QPCTL: variants seen among roughly 807,000 people sequenced by gnomAD.
The protein encoded by QPCTL is glutaminyl-peptide cyclotransferase-like protein.
Under a neutral mutation model 34.6 loss-of-function variants are expected in QPCTL, and 31 were observed. The ratio of observed to expected loss-of-function variants is 0.90; its 90% CI spans 0.67 to 1.21. QPCTL has a LOEUF of 1.21. Among genes scored for constraint, QPCTL ranks in the 50% most tolerant of loss-of-function variants. The pLI is 0.00. For synonymous variants in QPCTL, 223 were observed against 226.9 expected, an observed-to-expected ratio of 0.98 and a Z score of 0.15; for missense variants, 474 against 507.8, an observed-to-expected ratio of 0.93 and a Z score of 0.64.
Position 45,692,726 on chromosome 19 carries a change from G to C in QPCTL, c.23G>C (p.Arg8Pro). The part of the protein sequence containing the change: MRSGGRG[R>P]PRLRLGERGL... ...GCCATGCGTTCCGGGGGCCGCGGGCGACCCCGCCTGCGGCTGGGGGAACGT... is the reference window on the plus strand; with the variant it reads ...GCCATGCGTTCCGGGGGCCGCGGGCCACCCCGCCTGCGGCTGGGGGAACGT... The change falls in exon 1 of 7, where the codon CGA becomes CCA. Residue 8 changes from arginine (R) to proline (P), a missense_variant. Physicochemically the swap from Arg to Pro is moderately radical, Grantham distance 103. Coordinates refer to ENST00000012049, the MANE Select transcript of QPCTL (RefSeq NM_017659.4). 3 of 1,552,812 alleles carry C rather than the reference G, an allele frequency of 1.9e-6. No homozygotes were observed. The highest frequency in any genetic ancestry group is 2.6e-6 in the Non-Finnish European group (3 of 1,148,692).
intron 4 of QPCTL, 25 bp downstream of exon 4, chr19:45,698,724 T>C: frequency 6.2e-7 from 1 of 1,613,828 alleles, no homozygotes; most frequent in Non-Finnish European, 8.5e-7. Context: ...CCCTGGCTTC[T>C]GGCGAGGGAG....
At chr19:45,702,518 C>T (rs1967830309) in intron 6 of QPCTL, among the ~76,000 whole-genome samples, 1 of 151,492 alleles carries the variant, frequency 6.6e-6, no homozygotes, top group Non-Finnish European at 1.5e-5. Context: ...AATCCTAGCA[C>T]GTTGGGAGCC....
At position 45,695,809 on chromosome 19, in the gene QPCTL, C is replaced by T. The variant is rs539119127; in HGVS notation, c.633+91C>T. The T allele has an allele frequency of 1.7e-5, 23 of 1,389,844 alleles. 1 individual carries two copies. The Admixed American group carries it at 3.3e-4, about 20-fold the overall frequency. The allele number at this position is 1,389,844 out of a possible 1,614,324, so 86.1% of individuals were successfully genotyped here. On this transcript the variant is annotated intron_variant, in intron 3 of 6. Transcript: ENST00000012049. Reference sequence around the variant, plus strand: ...TTGCCTGGACATTTGTCATCCCTCTCGTCTTCCCACTCTACTCCACGCACA... The same window carrying T: ...TTGCCTGGACATTTGTCATCCCTCTTGTCTTCCCACTCTACTCCACGCACA...
At position 45,698,707 on chromosome 19, in the gene QPCTL, C is replaced by T. The variant is rs369699228; in HGVS notation, c.786+8C>T. The T allele has an allele frequency of 5.0e-6, 8 of 1,613,994 alleles. No homozygotes were observed. The highest frequency in any genetic ancestry group is 1.7e-5 in the Admixed American group (1 of 60,006). ...ACCAGGATCCAGGCTATTGTAAGAC[C>T]AGGGTCCCCTGGCTTCTGGCGAGGG... On this transcript the variant is annotated splice_region_variant and intron_variant, in intron 4 of 6. Transcript: ENST00000012049.
rs1416421387 is a variant in QPCTL at position 45,695,677 on chromosome 19, G to A, written c.592G>A (p.Ala198Thr). ...GCCCTGTGCCCTGCTGCTGGAGCTG[G>A]CCCAAGCACTTGACCTGGAGCTGAG... is the stretch of plus-strand genomic sequence containing the variant. ...AVPCALLLEL[A>T]QALDLELSRA... The change falls in exon 3 of 7, where the codon GCC becomes ACC. Residue 198 changes from alanine to threonine, a missense_variant. Transcript: ENST00000012049. 6.2e-7 allele frequency: 1 copy of A among 1,613,264 alleles called. No individual in the cohort carries two copies.
At chr19:45,699,938 A>AG (rs1162843482) in intron 5 of QPCTL, among the ~76,000 whole-genome samples, 2 of 148,698 alleles carry the variant, frequency 1.3e-5, no homozygotes, top group African/African-American at 5.0e-5. Context: ...TCTCAAAAAA[A>AG]AAAAAAAAAA....
In QPCTL at chr19:45,698,689, T is replaced by C; in HGVS notation, c.776T>C (p.Ile259Thr). 1 of 1,614,044 alleles carries C rather than the reference T, an allele frequency of 6.2e-7. No homozygotes were observed. The highest frequency in any genetic ancestry group is 8.5e-7 in the Non-Finnish European group (1 of 1,179,974). Residue 259 changes from isoleucine to threonine, a missense_variant, in exon 4 of 7, where the codon ATC becomes ACC. Transcript: ENST00000012049. Reference protein sequence around the residue: ...SIPHSPGPTRIQAIELFMLLD... With the variant: ...SIPHSPGPTRTQAIELFMLLD... ...CCTCACAGCCCCGGCCCCACCAGGA[T>C]CCAGGCTATTGTAAGACCAGGGTCC...
rs1967849902 is a variant in QPCTL at position 45,703,663 on chromosome 19, TAAAAGA to T, written c.*615_*620del. The T allele has an allele frequency of 6.7e-6, 1 of 150,340 alleles. No homozygotes were observed. The highest frequency in any genetic ancestry group is 1.5e-5 in the Non-Finnish European group (1 of 67,706). The allele number at this position is 150,340 out of a possible 1,614,324, so 9.3% of individuals were successfully genotyped here. A position where few individuals can be genotyped will look rare whatever the true frequency, so the allele number is the denominator to read the frequency against. ...TCTTTAAGTCAGCGAACTGAAAAAGTAAAAGACTGCTGGGTGTGGTGGCTCACACCT... is the reference window on the plus strand; with the variant it reads ...TCTTTAAGTCAGCGAACTGAAAAAGTCTGCTGGGTGTGGTGGCTCACACCT... On this transcript the variant is annotated 3_prime_UTR_variant, in exon 7 of 7. Transcript: ENST00000012049.
intron 3 of QPCTL, among the ~76,000 whole-genome samples, chr19:45,695,932 T>G (rs1967685524): frequency 6.6e-6 from 1 of 151,836 alleles, no homozygotes; most frequent in Non-Finnish European, 1.5e-5. Flanking sequence ...CCGCAACCTC[T>G]GCCTACTGGG....
At chr19:45,701,768 C>T (rs1386457936) in intron 5 of QPCTL, 30 bp from the exon 6 acceptor site, 1 of 1,553,496 alleles carries the variant, frequency 6.4e-7, no homozygotes, top group Admixed American at 1.7e-5. Flanking sequence ...TAAGGACTAA[C>T]CCTTCCTCTC....
chr19:45,703,316 T>C lies in QPCTL; in HGVS notation c.*267T>C, dbSNP rs1330791019. The C allele has an allele frequency of 2.2e-6, 1 of 457,718 alleles. No homozygotes were observed. The highest frequency in any genetic ancestry group is 2.0e-5 in the African/African-American group (1 of 50,208). 28.4% of individuals were successfully genotyped at this position (457,718 alleles called of 1,614,324 possible). A position where few individuals can be genotyped will look rare whatever the true frequency, so the allele number is the denominator to read the frequency against. The stretch of plus-strand genomic sequence containing the variant: ...AGAGGTAAACACTTGGTCCAAAGGT[T>C]TGCAGGGACCAAATACTGTTCTTTT... On this transcript the variant is annotated 3_prime_UTR_variant, in exon 7 of 7. Transcript: ENST00000012049.
intron 1 of QPCTL, 84 bp downstream of exon 1, chr19:45,692,994 C>T (rs1389150140): frequency 7.4e-7 from 1 of 1,348,764 alleles, no homozygotes; most frequent in African/African-American, 1.5e-5. Context: ...CTTTAGCGTA[C>T]GGCCCTAACC....
At position 45,695,576 on chromosome 19, in the gene QPCTL, C is replaced by A. The variant is rs746414252; in HGVS notation, c.491C>A (p.Thr164Asn). The change falls in exon 3 of 7, where the codon ACC (threonine) becomes AAC (asparagine). Residue 164 changes from threonine to asparagine, a missense_variant. Thr to Asn is a moderately conservative substitution (Grantham distance 65). Transcript: ENST00000012049. ...TLDPRAARHL[T>N]LACHYDSKLF... ...GACCCAAGGGCTGCCCGTCACCTCA[C>A]CCTTGCCTGCCATTATGACTCGAAG... The A allele has an allele frequency of 6.2e-7, 1 of 1,614,108 alleles. No homozygotes were observed. The highest frequency in any genetic ancestry group is 8.5e-7 in the Non-Finnish European group (1 of 1,180,008).
chr19:45,702,690 G>A (rs572953644), intron 6 of QPCTL, among the ~76,000 whole-genome samples: 8 of 151,886 alleles, frequency 5.3e-5, no homozygotes, highest in Admixed American at 2.0e-4. Context: ...CTGGAACCTG[G>A]GAGGCAGAGG....
chr19:45,698,257 C>CA (rs1368692889), intron 3 of QPCTL, among the ~76,000 whole-genome samples: 2 of 149,048 alleles, frequency 1.3e-5, no homozygotes, highest in Admixed American at 6.7e-5. Flanking sequence ...CTAAAAAAAA[C>CA]AAAAAACAAA....
chr19:45,699,029 A>ATAT, intron 5 of QPCTL, 129 bp downstream of exon 5: 4 of 508,420 alleles, frequency 7.9e-6, no homozygotes, highest in Non-Finnish European at 1.3e-5. Context: ...GGGAGACCCC[A>ATAT]TCTTTTTTTT....
Position 45,695,193 on chromosome 19 carries a change from G to A in QPCTL, c.352-244G>A, listed in dbSNP as rs139058986. ...CCCAGCTACTCAGGAGGCTGAGTCA[G>A]GAGAATCACTTGAAGCCAGGAGGCA... On this transcript the variant is annotated intron_variant, in intron 2 of 6. Transcript: ENST00000012049. Among the ~76,000 whole-genome samples, 859 of 152,110 alleles carry A rather than the reference G, an allele frequency of 5.6e-3. 9 individuals carry two copies. Among genetic ancestry groups the A allele is most frequent in the African/African-American group, 0.02 (819 of 41,486 alleles).
chr19:45,700,698 T>A (rs34505371), intron 5 of QPCTL, among the ~76,000 whole-genome samples: 36,024 of 151,782 alleles, frequency 0.24, 5,016 homozygotes, highest in East Asian at 0.51. Context: ...TGGTGGCTCA[T>A]GCCTGTAATC....
At chr19:45,698,371 GTACGGA>G in intron 3 of QPCTL, 170 bp from the exon 4 acceptor site, 1 of 727,922 alleles carries the variant, frequency 1.4e-6, no homozygotes, top group Non-Finnish European at 2.2e-6. Flanking sequence ...AAGCAGCCAA[GTACGGA>G]TTTGATCCCA....
Sources: allele counts gnomAD v4.1 joint callset (sites outside exome capture counted in the v4.1 genomes callset), GRCh38; gene constraint gnomAD v4.1.1; transcripts MANE v1.5; gene names NCBI Gene and HGNC (gene_info 2026-07-23, HGNC 2026-07-21).